The following GLIS3 variants were observed in gnomAD, a reference collection of about 807,000 sequenced individuals.
GLIS3 encodes the protein zinc finger protein GLIS3.
Under a neutral mutation model 78.6 loss-of-function variants are expected in GLIS3, and 53 were observed. That is an observed-to-expected ratio of 0.67 (90% CI 0.54 to 0.85). The LOEUF (loss-of-function observed/expected upper bound fraction) is 0.85. GLIS3 is among the 40% of genes least tolerant of loss of function. GLIS3 has a pLI of 0.00. For missense variants in GLIS3, 1,703 were observed against 1,231.1 expected, an observed-to-expected ratio of 1.38 and a Z score of -5.74; for synonymous variants, 684 against 509.9, an observed-to-expected ratio of 1.34 and a Z score of -4.60.
chr9:3,997,499 C>A (rs1013607319), intron 4 of GLIS3, among the ~76,000 whole-genome samples: 1 of 152,004 alleles, frequency 6.6e-6, no homozygotes, highest in Non-Finnish European at 1.5e-5. Flanking sequence ...ATGCGATCCT[C>A]ACTCATGACT....
the GLIS3 span, among the ~76,000 whole-genome samples, chr9:4,435,476 C>T: frequency 2.0e-5 from 3 of 152,150 alleles, no homozygotes; most frequent in Non-Finnish European, 4.4e-5. Context: ...TTCCCTTCTC[C>T]GCATCTCCTG....
chr9:3,934,936 T>G (rs925481871), intron 5 of GLIS3, among the ~76,000 whole-genome samples: 7 of 152,186 alleles, frequency 4.6e-5, no homozygotes, highest in African/African-American at 1.2e-4. Flanking sequence ...ATATATTTTG[T>G]TATTTTCCAC....
the GLIS3 span, among the ~76,000 whole-genome samples, chr9:4,468,482 A>C: frequency 7.7e-3 from 1,176 of 152,370 alleles, 14 homozygotes; most frequent in African/African-American, 0.026. Context: ...GCCAATATTC[A>C]ACATTCTTAA....
chr9:4,423,444 A>T, the GLIS3 span, among the ~76,000 whole-genome samples: 14 of 151,680 alleles, frequency 9.2e-5, no homozygotes, highest in South Asian at 1.7e-3. Flanking sequence ...CCAACTTCCC[A>T]CACCCCTCCC....
the GLIS3 span, among the ~76,000 whole-genome samples, chr9:4,410,523 A>G: frequency 6.6e-6 from 1 of 152,226 alleles, no homozygotes; most frequent in Non-Finnish European, 1.5e-5. Context: ...AATTTCACGT[A>G]AATCAGCTAA....
chr9:4,355,321 T>C, the GLIS3 span, among the ~76,000 whole-genome samples: 2 of 152,042 alleles, frequency 1.3e-5, no homozygotes, highest in African/African-American at 4.8e-5. Flanking sequence ...TTGTGTAAAC[T>C]TACAGGGCTC....
intron 6 of GLIS3, among the ~76,000 whole-genome samples, chr9:3,929,841 C>T (rs533999995): frequency 2.6e-5 from 4 of 151,970 alleles, no homozygotes; most frequent in South Asian, 2.1e-4. Flanking sequence ...TAATTAAAGT[C>T]GTAAATAATC....
chr9:4,066,912 G>A (rs867984114), intron 4 of GLIS3, among the ~76,000 whole-genome samples: 53 of 152,014 alleles, frequency 3.5e-4, no homozygotes, highest in Admixed American at 9.8e-4. Flanking sequence ...GATCAGCCCC[G>A]GCTCACTGAC....
At chr9:4,418,446 G>C in the GLIS3 span, among the ~76,000 whole-genome samples, 2 of 152,224 alleles carry the variant, frequency 1.3e-5, no homozygotes, top group Non-Finnish European at 2.9e-5. Flanking sequence ...AAATGACTTT[G>C]TAAGAATTTG....
At chr9:4,007,886 TGGGTGGGCGTTGGGGGG>T (rs1821683004) in intron 4 of GLIS3, among the ~76,000 whole-genome samples, 1 of 3,692 alleles carries the variant, frequency 2.7e-4, no homozygotes, top group Non-Finnish European at 5.8e-4. Context: ...CGGGCGGGGG[TGGGTGGGCGTTGGGGGG>T]GGGGGGTTAC....
At chr9:4,010,120 T>C (rs537516586) in intron 4 of GLIS3, among the ~76,000 whole-genome samples, 46 of 152,052 alleles carry the variant, frequency 3.0e-4, no homozygotes, top group Non-Finnish European at 6.0e-4. Context: ...TCCAGGGATC[T>C]CCCCCGGGGT....
At chr9:4,150,494 G>C (rs973004299) in intron 2 of GLIS3, among the ~76,000 whole-genome samples, 3 of 152,194 alleles carry the variant, frequency 2.0e-5, no homozygotes, top group African/African-American at 7.2e-5. Flanking sequence ...AGCCTGGTAA[G>C]ATCACATACC....
chr9:3,857,460 G>C (rs1819866756), intron 8 of GLIS3, among the ~76,000 whole-genome samples: 1 of 152,182 alleles, frequency 6.6e-6, no homozygotes, highest in African/African-American at 2.4e-5. Context: ...TTCTATGTTT[G>C]TACTGTAGCA....
chr9:4,131,207 A>T (rs139043665), intron 2 of GLIS3, among the ~76,000 whole-genome samples: 3,164 of 152,280 alleles, frequency 0.021, 60 homozygotes, highest in Middle Eastern at 0.041. Flanking sequence ...ACAGGCTCAT[A>T]TAGGTGGAAG....
At chr9:3,907,567 G>A (rs567110780) in intron 6 of GLIS3, among the ~76,000 whole-genome samples, 1 of 149,518 alleles carries the variant, frequency 6.7e-6, no homozygotes, top group Non-Finnish European at 1.5e-5. Context: ...CAGTTTCTGT[G>A]TACTTTAGAG....
the GLIS3 span, among the ~76,000 whole-genome samples, chr9:4,387,273 T>C: frequency 1.3e-5 from 2 of 152,120 alleles, no homozygotes; most frequent in Admixed American, 1.3e-4. Context: ...ATGAGCTCAA[T>C]CCAAAACAAT....
intron 4 of GLIS3, among the ~76,000 whole-genome samples, chr9:4,067,359 G>C (rs1469307244): frequency 1.3e-5 from 2 of 151,648 alleles, no homozygotes; most frequent in African/African-American, 2.4e-5. Context: ...CAAATGACTG[G>C]TGAAGTTTGC....
chr9:4,343,204 C>T (rs201266492), intron 2 of GLIS3, among the ~76,000 whole-genome samples: 8 of 151,888 alleles, frequency 5.3e-5, no homozygotes, highest in African/African-American at 1.5e-4. Flanking sequence ...TAGTCAGGCA[C>T]GGTGGCACAC....
intron 4 of GLIS3, among the ~76,000 whole-genome samples, chr9:4,028,592 CA>C (rs1232238390): frequency 6.6e-6 from 1 of 152,084 alleles, no homozygotes; most frequent in Non-Finnish European, 1.5e-5. Context: ...TAGCCTAGAT[CA>C]AAAAACAAAA....
Sources: gnomAD v4.1 joint callset for allele counts (sites outside exome capture counted in the v4.1 genomes callset) on GRCh38, gnomAD v4.1.1 for gene constraint, MANE v1.5 for transcripts, NCBI Gene and HGNC (gene_info 2026-07-23, HGNC 2026-07-21) for gene names.